The following NUDT21 variants were observed in gnomAD, a reference collection of about 807,000 sequenced individuals.
NUDT21 encodes the protein nudix hydrolase 21.
Under a neutral mutation model 29.8 loss-of-function variants are expected in NUDT21, and 5 were observed. The ratio of observed to expected loss-of-function variants is 0.17; its 90% CI spans 0.09 to 0.35. The LOEUF (loss-of-function observed/expected upper bound fraction) is 0.35. Ranked by LOEUF, NUDT21 falls within the 10% of genes least tolerant of loss-of-function variation. NUDT21 has a pLI of 1.00. For missense variants in NUDT21, 76 were observed against 276.0 expected, an observed-to-expected ratio of 0.28 and a Z score of 5.13; for synonymous variants, 113 against 98.5, an observed-to-expected ratio of 1.15 and a Z score of -0.87.
At chr16:56,441,309 T>C (rs895463375) in intron 3 of NUDT21, among the ~76,000 whole-genome samples, 3 of 152,204 alleles carry the variant, frequency 2.0e-5, no homozygotes, top group African/African-American at 7.2e-5. Flanking sequence ...CAATCTTGGC[T>C]CACTGCAACC....
chr16:56,450,903 C>G (rs1352274713), intron 1 of NUDT21, among the ~76,000 whole-genome samples, 184 bp downstream of exon 1: 1 of 152,218 alleles, frequency 6.6e-6, no homozygotes, highest in Admixed American at 6.5e-5. Flanking sequence ...GAAAAGGACT[C>G]TAACCCTGGA....
chr16:56,436,015 TATATATA>T (rs1854715169), intron 4 of NUDT21, among the ~76,000 whole-genome samples: 1 of 146,888 alleles, frequency 6.8e-6, no homozygotes, highest in South Asian at 2.1e-4. Flanking sequence ...TATAAAAATA[TATATATA>T]ATATATATGT....
intron 3 of NUDT21, among the ~76,000 whole-genome samples, chr16:56,445,593 T>C (rs1436015125): frequency 1.3e-5 from 2 of 152,220 alleles, no homozygotes; most frequent in African/African-American, 4.8e-5. Context: ...TTTGAACCAG[T>C]CCAGTTTTCA....
At chr16:56,445,042 G>C (rs1419915353) in intron 3 of NUDT21, among the ~76,000 whole-genome samples, 1 of 152,140 alleles carries the variant, frequency 6.6e-6, no homozygotes, top group Admixed American at 6.5e-5. Context: ...AAATTAGCTG[G>C]GCGTGGAGGC....
At chr16:56,432,846 T>C (rs1962050553) in intron 6 of NUDT21, 113 bp from the exon 7 acceptor site, 2 of 750,550 alleles carry the variant, frequency 2.7e-6, no homozygotes, top group Non-Finnish European at 4.1e-6. Flanking sequence ...TCTGGCATTT[T>C]CTTTTTTTCC....
chr16:56,437,681 T>C (rs1051994687), intron 4 of NUDT21, among the ~76,000 whole-genome samples: 6 of 152,090 alleles, frequency 3.9e-5, no homozygotes, highest in Non-Finnish European at 8.8e-5. Flanking sequence ...TGCCCACAGG[T>C]GTAAAAAGAT....
intron 3 of NUDT21, among the ~76,000 whole-genome samples, chr16:56,444,245 C>T (rs1962191370): frequency 6.6e-6 from 1 of 151,994 alleles, no homozygotes; most frequent in African/African-American, 2.4e-5. Flanking sequence ...GATCACACCA[C>T]CATCCTCCAG....
chr16:56,446,785 AT>A, intron 2 of NUDT21, 96 bp from the exon 3 acceptor site: 1 of 713,338 alleles, frequency 1.4e-6, no homozygotes, highest in Non-Finnish European at 2.3e-6. Context: ...CACTAAGAAC[AT>A]ATTTCAGCAT....
chr16:56,440,478 G>A (rs374717013), intron 3 of NUDT21, among the ~76,000 whole-genome samples: 7 of 152,206 alleles, frequency 4.6e-5, no homozygotes, highest in East Asian at 3.9e-4. Context: ...CATTTCTTCC[G>A]AGGTTCCTCT....
chr16:56,439,845 A>C (rs975305353), intron 3 of NUDT21, 99 bp from the exon 4 acceptor site: 36 of 888,854 alleles, frequency 4.1e-5, no homozygotes, highest in Non-Finnish European at 6.8e-5. Context: ...CCTAATTGAA[A>C]CATAGGGATA....
chr16:56,437,751 T>A (rs1286768387), intron 4 of NUDT21, among the ~76,000 whole-genome samples: 1 of 152,210 alleles, frequency 6.6e-6, no homozygotes. Flanking sequence ...TGTATTCTGC[T>A]GCTTCCTGGA....
rs529026177 is a variant in NUDT21, at chr16:56,429,430, T to C, written c.*3282A>G. On this transcript the variant is annotated 3_prime_UTR_variant, in exon 7 of 7. Transcript: ENST00000300291. ...ATCTCTATTTTTACGATATGATCCA[T>C]TACTAAGATACAAAATACACCTGAA... 2.6e-5 allele frequency: 4 copies of C among 152,364 alleles called. No homozygotes were observed. The South Asian group carries it at 8.3e-4, about 32-fold the overall frequency. 9.4% of individuals were successfully genotyped at this position (152,364 alleles called of 1,614,324 possible).
chr16:56,434,232 A>C, intron 6 of NUDT21, 99 bp downstream of exon 6: 2 of 760,432 alleles, frequency 2.6e-6, no homozygotes, highest in Non-Finnish European at 4.6e-6. Flanking sequence ...AGTTTCCTTA[A>C]AGACCAAAAT....
chr16:56,448,490 T>C (rs1312960589), intron 1 of NUDT21, among the ~76,000 whole-genome samples: 1 of 152,220 alleles, frequency 6.6e-6, no homozygotes, highest in Non-Finnish European at 1.5e-5. Context: ...TCCTCAGATT[T>C]TTCTTGCACC....
intron 3 of NUDT21, among the ~76,000 whole-genome samples, chr16:56,444,002 C>A (rs1265520563): frequency 6.6e-6 from 1 of 152,174 alleles, no homozygotes; most frequent in Non-Finnish European, 1.5e-5. Context: ...ATATATAAAT[C>A]TAATTGTTGG....
chr16:56,435,484 TG>T (rs1207329887), intron 4 of NUDT21, among the ~76,000 whole-genome samples: 28 of 150,404 alleles, frequency 1.9e-4, no homozygotes, highest in African/African-American at 6.8e-4. Context: ...CGCAGCACTT[TG>T]GGAGGCCAAG....
At position 56,448,305 on chromosome 16, in the gene NUDT21, A is replaced by C. The variant is rs151093004; in HGVS notation, c.117-316T>G. On this transcript the variant is annotated intron_variant, in intron 1 of 6. Transcript: ENST00000300291. The stretch of plus-strand genomic sequence containing the variant: ...CCTCTGGTTTTATACCATGGCTGCT[A>C]TTTCAACATTACCAATTTGGCTAAT... Among the ~76,000 whole-genome samples the C allele has an allele frequency of 3.5e-3, 536 of 152,320 alleles. 6 individuals are homozygous for C. The highest frequency in any genetic ancestry group is 0.012 in the African/African-American group (516 of 41,578).
intron 3 of NUDT21, among the ~76,000 whole-genome samples, chr16:56,445,607 C>T (rs1329764479): frequency 6.6e-6 from 1 of 152,176 alleles, no homozygotes; most frequent in Non-Finnish European, 1.5e-5. Flanking sequence ...GTTTTCAGCC[C>T]ATGCATGCCC....
At chr16:56,435,792 A>G (rs1962098157) in intron 4 of NUDT21, among the ~76,000 whole-genome samples, 1 of 57,484 alleles carries the variant, frequency 1.7e-5, no homozygotes, top group African/African-American at 6.1e-5. Context: ...TATGATCAGT[A>G]AGTTAAACAG....
Sources: allele counts gnomAD v4.1 joint callset (sites outside exome capture counted in the v4.1 genomes callset), GRCh38; gene constraint gnomAD v4.1.1; transcripts MANE v1.5; gene names NCBI Gene and HGNC (gene_info 2026-07-23, HGNC 2026-07-21).